The following RHD variants were observed in gnomAD, a reference collection of about 807,000 sequenced individuals.
RHD encodes Rh blood group D antigen.
Under a neutral mutation model 45.5 loss-of-function variants are expected in RHD, and 16 were observed. The observed-to-expected ratio is 0.35, with a 90% CI of 0.24 to 0.53. The LOEUF (loss-of-function observed/expected upper bound fraction) is 0.53, where lower values mean the gene tolerates loss of function less well. Ranked by LOEUF, RHD falls within the 20% of genes least tolerant of loss-of-function variation. The pLI is 0.92. For synonymous variants in RHD, 131 were observed against 217.5 expected (o/e 0.60, Z 3.50); for missense variants, 306 against 532.0 (o/e 0.58, Z 4.18).
In RHD at chr1:25,323,795, C is replaced by T. The variant is rs1231367763; in HGVS notation, c.1227+1833C>T. Among the ~76,000 whole-genome samples the T allele has an allele frequency of 5.5e-5, 7 of 126,540 alleles. 1 individual carries two copies. In the South Asian group the frequency reaches 7.2e-4, roughly 13 times the overall value. 83.0% of individuals were successfully genotyped at this position (126,540 alleles called of 152,430 possible). On this transcript the variant is annotated intron_variant, in intron 9 of 9. Transcript: ENST00000328664. Reference sequence around the variant, plus strand: ...GTTACACAAAGGGAATCATGCAGCACGTACTGCCCTTGGTCTGGCTTCTTT... The same window carrying T: ...GTTACACAAAGGGAATCATGCAGCATGTACTGCCCTTGGTCTGGCTTCTTT...
chr1:25,299,998 C>G (rs1206156262), intron 3 of RHD, among the ~76,000 whole-genome samples: 1 of 131,424 alleles, frequency 7.6e-6, no homozygotes, highest in Non-Finnish European at 1.8e-5. Context: ...GATCCACCCA[C>G]CTCAGCCTCC....
At position 25,280,253 on chromosome 1, in the gene RHD, G is replaced by A. The variant is rs1208188983; in HGVS notation, c.149-4320G>A. On this transcript the variant is annotated intron_variant, in intron 1 of 9. Transcript: ENST00000328664. Reference sequence around the variant, plus strand: ...CTGGAATCAGGGAATCGGGATCAGGGGCAGCAGCTGTGCCCAATAAAGCCC... The same window carrying A: ...CTGGAATCAGGGAATCGGGATCAGGAGCAGCAGCTGTGCCCAATAAAGCCC... 3.9e-5 allele frequency among the ~76,000 whole-genome samples: 5 copies of A among 127,812 alleles called. 2 individuals are homozygous for A. Among genetic ancestry groups the A allele is most frequent in the Non-Finnish European group, 9.2e-5 (5 of 54,602 alleles). 83.8% of individuals were successfully genotyped at this position (127,812 alleles called of 152,430 possible).
chr1:25,305,152 A>C lies in RHD; in HGVS notation c.940-1444A>C, dbSNP rs1370513719. 2.3e-5 allele frequency among the ~76,000 whole-genome samples: 3 copies of C among 131,592 alleles called. No individual in the cohort carries two copies. In the East Asian group the frequency reaches 5.9e-4, roughly 26 times the overall value. The allele number at this position is 131,592 out of a possible 152,430, so 86.3% of individuals were successfully genotyped here. A position where few individuals can be genotyped will look rare whatever the true frequency, so the allele number is the denominator to read the frequency against. On this transcript the variant is annotated intron_variant, in intron 6 of 9. Transcript: ENST00000328664. ...GAGCAGAGGAAACGGTTGACAGCCA[A>C]GTGTTGACAGAGAAGTAGTATTAGC...
At chr1:25,300,100 T>C (rs1338956892) in intron 3 of RHD, among the ~76,000 whole-genome samples, 2 of 131,486 alleles carry the variant, frequency 1.5e-5, no homozygotes, top group African/African-American at 5.2e-5. Flanking sequence ...TTGCTTCATG[T>C]TGCAAAATTT....
rs1425954084 is a variant in RHD, at chr1:25,299,343, G to C, written c.487-1603G>C. On this transcript the variant is annotated intron_variant, in intron 3 of 9. Coordinates refer to ENST00000328664, the MANE Select transcript of RHD (RefSeq NM_016124.6). Reference sequence around the variant, plus strand: ...GTTGCAGTGAGCCAAGATGGCACCAGTGCACTCTAGCCTGGCGACAGAGTG... The same window carrying C: ...GTTGCAGTGAGCCAAGATGGCACCACTGCACTCTAGCCTGGCGACAGAGTG... Among the ~76,000 whole-genome samples the C allele has an allele frequency of 1.6e-3, 202 of 130,082 alleles. 4 individuals are homozygous for C. The highest frequency in any genetic ancestry group is 4.4e-3 in the African/African-American group (164 of 37,222). The allele number at this position is 130,082 out of a possible 152,430, so 85.3% of individuals were successfully genotyped here. A position where few individuals can be genotyped will look rare whatever the true frequency, so the allele number is the denominator to read the frequency against.
chr1:25,330,389 A>G lies in RHD; in HGVS notation c.*1465A>G, dbSNP rs1403822293. ...TTTCTTTGAAAATTCTGGCAGACCA[A>G]GGTTCTTTTTGTTTACATAATACTT... On this transcript the variant is annotated 3_prime_UTR_variant, in exon 10 of 10. Coordinates refer to ENST00000328664, the MANE Select transcript of RHD (RefSeq NM_016124.6). 1.5e-5 allele frequency: 2 copies of G among 133,138 alleles called. 1 individual carries two copies. The highest frequency in any genetic ancestry group is 7.5e-3 in the Middle Eastern group (2 of 268). The allele number at this position is 133,138 out of a possible 1,614,324, so 8.2% of individuals were successfully genotyped here. A position where few individuals can be genotyped will look rare whatever the true frequency, so the allele number is the denominator to read the frequency against.
At position 25,321,546 on chromosome 1, in the gene RHD, TATA is replaced by T. The variant is rs978205518; in HGVS notation, c.1154-340_1154-338del. 1.7e-4 allele frequency among the ~76,000 whole-genome samples: 20 copies of T among 117,968 alleles called. 2 individuals carry two copies. Among genetic ancestry groups the T allele is most frequent in the African/African-American group, 5.7e-4 (20 of 35,368 alleles). 77.4% of individuals were successfully genotyped at this position (117,968 alleles called of 152,430 possible). ...TTAGCTGGATGTGGTGGCAGGCGCC[TATA>T]ATCTCAGCTACTTGGGAGGCTGAGG... is the stretch of plus-strand genomic sequence containing the variant. On this transcript the variant is annotated intron_variant, in intron 8 of 9. Transcript: ENST00000328664.
intron 3 of RHD, among the ~76,000 whole-genome samples, chr1:25,298,778 C>T (rs1390432312): frequency 7.6e-6 from 1 of 131,008 alleles, no homozygotes; most frequent in Admixed American, 7.5e-5. Flanking sequence ...GAAGGAAAGA[C>T]TGCCAATAAA....
chr1:25,299,552 A>G (rs1409818646), intron 3 of RHD, among the ~76,000 whole-genome samples: 1 of 129,810 alleles, frequency 7.7e-6, no homozygotes, highest in Non-Finnish European at 1.8e-5. Context: ...CATTTCAGGC[A>G]GCTGAATGAC....
intron 3 of RHD, among the ~76,000 whole-genome samples, chr1:25,299,043 C>T (rs1461316903): frequency 5.7e-5 from 6 of 105,554 alleles, no homozygotes; most frequent in East Asian, 2.2e-4. Context: ...TTACCAGCCA[C>T]GCTGTTTAGA....
rs1200600096 is a variant in RHD, at chr1:25,278,080, G to A, written c.148+5385G>A. On this transcript the variant is annotated intron_variant, in intron 1 of 9. Transcript: ENST00000328664. ...GTATTGAGCATTTTCTGGGGTGTGT[G>A]TTCTTTGCTGTAATGACTACTGGTC... Among the ~76,000 whole-genome samples the A allele has an allele frequency of 3.8e-5, 5 of 130,160 alleles. 1 individual carries two copies. The highest frequency in any genetic ancestry group is 1.3e-4 in the African/African-American group (5 of 38,306). The allele number at this position is 130,160 out of a possible 152,430, so 85.4% of individuals were successfully genotyped here. A position where few individuals can be genotyped will look rare whatever the true frequency, so the allele number is the denominator to read the frequency against.
At chr1:25,307,174 G>A in intron 7 of RHD, among the ~76,000 whole-genome samples, 1 of 132,100 alleles carries the variant, frequency 7.6e-6, no homozygotes, top group East Asian at 1.9e-4. Flanking sequence ...AGGACTGTTG[G>A]GATGCTACTG....
Position 25,290,792 on chromosome 1 carries a change from G to C in RHD, c.486+1G>C, listed in dbSNP as rs149598033. The C allele has an allele frequency of 7.3e-7, 1 of 1,376,422 alleles. No individual in the cohort carries two copies. The allele number at this position is 1,376,422 out of a possible 1,614,324, so 85.3% of individuals were successfully genotyped here. ...GATGGTCATCAGTAATATCTTCAAC[G>C]TGAGTCATGGTGCTGGGAGGAGGGA... is the stretch of plus-strand genomic sequence containing the variant. On this transcript the variant is annotated splice_donor_variant, in intron 3 of 9. Coordinates refer to ENST00000328664, the MANE Select transcript of RHD (RefSeq NM_016124.6). LOFTEE classifies it high-confidence loss of function.
Position 25,279,072 on chromosome 1 carries a change from G to A in RHD, c.149-5501G>A, listed in dbSNP as rs185690508. 2.3e-3 allele frequency among the ~76,000 whole-genome samples: 293 copies of A among 128,832 alleles called. 62 individuals carry two copies. The highest frequency in any genetic ancestry group is 8.1e-3 in the Middle Eastern group (2 of 246). 84.5% of individuals were successfully genotyped at this position (128,832 alleles called of 152,430 possible). ...GGAGGGGGCGCAGATCCAGAATCAC[G>A]GAGGCAGCTGACCGGAGGAGGCAGC... On this transcript the variant is annotated intron_variant, in intron 1 of 9. Coordinates refer to ENST00000328664, the MANE Select transcript of RHD (RefSeq NM_016124.6).
intron 7 of RHD, among the ~76,000 whole-genome samples, chr1:25,312,121 A>C (rs1413942237): frequency 1.0e-5 from 1 of 98,038 alleles, no homozygotes; most frequent in African/African-American, 3.5e-5. Context: ...TCGGGGGTCC[A>C]AATTCCATAG....
intron 6 of RHD, 54 bp downstream of exon 6, chr1:25,303,513 C>T (rs1643560864): frequency 1.5e-6 from 2 of 1,363,574 alleles, no homozygotes; most frequent in South Asian, 1.2e-5. Flanking sequence ...CAGCAGGACG[C>T]TGGGACCTGA....
At position 25,276,444 on chromosome 1, in the gene RHD, G is replaced by T. The variant is rs1640972082; in HGVS notation, c.148+3749G>T. On this transcript the variant is annotated intron_variant, in intron 1 of 9. Coordinates refer to ENST00000328664, the MANE Select transcript of RHD (RefSeq NM_016124.6). ...AAAAAAAAAAAAACACCCTGGCTGA[G>T]CATTTAGGGAGGCCAAGTGGGGAGG... Among the ~76,000 whole-genome samples, 2 of 117,954 alleles carry T rather than the reference G, an allele frequency of 1.7e-5. 1 individual carries two copies. Among genetic ancestry groups the T allele is most frequent in the South Asian group, 5.1e-4 (2 of 3,908 alleles). 77.4% of individuals were successfully genotyped at this position (117,954 alleles called of 152,430 possible).
rs1163976001 is a variant in RHD, at chr1:25,310,427, T to C, written c.1073+3698T>C. The stretch of plus-strand genomic sequence containing the variant: ...ATGCAGCAAGAAGGCCCTCACCAGA[T>C]GGTGGCACCATGCTTTTGGACTTCC... On this transcript the variant is annotated intron_variant, in intron 7 of 9. Coordinates refer to ENST00000328664, the MANE Select transcript of RHD (RefSeq NM_016124.6). Among the ~76,000 whole-genome samples the C allele has an allele frequency of 2.3e-5, 3 of 132,760 alleles. 1 individual carries two copies. The highest frequency in any genetic ancestry group is 3.6e-5 in the Non-Finnish European group (2 of 55,838). The allele number at this position is 132,760 out of a possible 152,430, so 87.1% of individuals were successfully genotyped here.
At chr1:25,321,757 T>C (rs1169308436) in intron 8 of RHD, 132 bp from the exon 9 acceptor site, 1 of 455,462 alleles carries the variant, frequency 2.2e-6, no homozygotes, top group East Asian at 3.0e-5. Context: ...TCCATTTATT[T>C]GTCTTTCAAT....
Sources: allele counts gnomAD v4.1 joint callset (sites outside exome capture counted in the v4.1 genomes callset), GRCh38; gene constraint gnomAD v4.1.1; transcripts MANE v1.5; gene names NCBI Gene and HGNC (gene_info 2026-07-23, HGNC 2026-07-21).